Variants in RTEL1 observed in about 807,000 individuals in gnomAD.
RTEL1 encodes regulator of telomere elongation helicase 1.
Under a neutral mutation model 162.2 loss-of-function variants are expected in RTEL1, and 86 were observed. That is an observed-to-expected ratio of 0.53 (90% CI 0.45 to 0.63). RTEL1 has a LOEUF of 0.63. Ranked by LOEUF, RTEL1 falls within the 30% of genes least tolerant of loss-of-function variation. The pLI is 0.00. For missense variants in RTEL1, 1,941 were observed against 1,750.2 expected, an observed-to-expected ratio of 1.11 and a Z score of -1.95; for synonymous variants, 958 against 717.9, an observed-to-expected ratio of 1.33 and a Z score of -5.35.
intron 16 of RTEL1, chr20:63,686,094 A>G: frequency 1.7e-6 from 1 of 590,144 alleles, no homozygotes; most frequent in Non-Finnish European, 3.0e-6. Flanking sequence ...TGACCTGCCC[A>G]GAGTCACCTG....
intron 30 of RTEL1, among the ~76,000 whole-genome samples, chr20:63,693,744 A>T (rs1449546785): frequency 5.9e-4 from 41 of 69,052 alleles, no homozygotes; most frequent in South Asian, 1.1e-3. Context: ...CACCTCCACC[A>T]CCACCACCAC....
rs191079905 is a variant in RTEL1 at position 63,668,451 on chromosome 20, C to T, written c.699+898C>T. On this transcript the variant is annotated intron_variant, in intron 8 of 34. Coordinates refer to ENST00000360203, the MANE Select transcript of RTEL1 (RefSeq NM_001283009.2). The surrounding 1 kb of genome is among the most constrained non-coding windows in gnomAD (Gnocchi z 4.3). ...CAGGTGGACAGCAAAAGAGTAAGCA[C>T]GTGAGCTGATGATACTGAAGGGAAA... 6.2e-4 allele frequency among the ~76,000 whole-genome samples: 95 copies of T among 152,190 alleles called. No individual in the cohort carries two copies. Among genetic ancestry groups the T allele is most frequent in the Admixed American group, 1.4e-3 (21 of 15,296 alleles).
chr20:63,680,273 T>G (rs1225245749), intron 13 of RTEL1, among the ~76,000 whole-genome samples: 1 of 152,186 alleles, frequency 6.6e-6, no homozygotes, highest in Non-Finnish European at 1.5e-5. Context: ...CTCAGAGTTG[T>G]GGGGTCCAGA....
rs996787044 is a variant in RTEL1, at chr20:63,684,096, C to T, written c.1192-1427C>T. 3.3e-5 allele frequency among the ~76,000 whole-genome samples: 5 copies of T among 152,110 alleles called. 1 individual carries two copies. The highest frequency in any genetic ancestry group is 2.1e-4 in the South Asian group (1 of 4,826). Reference sequence around the variant, plus strand: ...GTGCCTCCCGACCAAGATGCTAAACCGGGTCTTGTGTATTCTCCAAACTGC... The same window carrying T: ...GTGCCTCCCGACCAAGATGCTAAACTGGGTCTTGTGTATTCTCCAAACTGC... On this transcript the variant is annotated intron_variant, in intron 14 of 34. Transcript: ENST00000360203.
intron 30 of RTEL1, among the ~76,000 whole-genome samples, chr20:63,693,911 A>T (rs1201807867): frequency 2.0e-5 from 3 of 150,456 alleles, no homozygotes; most frequent in Non-Finnish European, 4.4e-5. Context: ...GGTCAACTGC[A>T]CACGCCAGGG....
intron 16 of RTEL1, chr20:63,686,172 C>T (rs1328083888): frequency 1.7e-5 from 8 of 483,578 alleles, no homozygotes; most frequent in Non-Finnish European, 2.7e-5. Context: ...ATGCCGAGGC[C>T]GTCAGCACAG....
intron 14 of RTEL1, among the ~76,000 whole-genome samples, chr20:63,684,357 TTTTG>T (rs1226626159): frequency 1.3e-5 from 2 of 152,092 alleles, no homozygotes; most frequent in Non-Finnish European, 2.9e-5. Context: ...ACCAATTTCT[TTTTG>T]TTTGTTTTTG....
chr20:63,695,396 G>A lies in RTEL1; in HGVS notation c.3568G>A (p.Ala1190Thr), dbSNP rs953390484. 2 of 1,558,058 alleles carry A rather than the reference G, an allele frequency of 1.3e-6. No individual in the cohort carries two copies. Among genetic ancestry groups the A allele is most frequent in the East Asian group, 2.3e-5 (1 of 44,434 alleles). ...CTCGTCCTTCCTTAGACAGAGGCCAGCAGGGACTGTGGGGGCGGGCGGTGA... is the reference window on the plus strand; with the variant it reads ...CTCGTCCTTCCTTAGACAGAGGCCAACAGGGACTGTGGGGGCGGGCGGTGA... ...KISSFLRQRPAGTVGAGGEDA... is the reference protein window; with the variant it reads ...KISSFLRQRPTGTVGAGGEDA... Residue 1190 changes from alanine (A) to threonine (T), a missense_variant, in exon 34 of 35, where the codon GCA becomes ACA. Coordinates refer to ENST00000360203, the MANE Select transcript of RTEL1 (RefSeq NM_001283009.2).
chr20:63,693,294 C>T lies in RTEL1; in HGVS notation c.2992+11C>T, dbSNP rs200228490. 819 of 1,611,012 alleles carry T rather than the reference C, an allele frequency of 5.1e-4. No homozygotes were observed. Among genetic ancestry groups the T allele is most frequent in the Non-Finnish European group, 6.5e-4 (769 of 1,179,186 alleles). ...TCCTGGACCCCACTGGTAAATGGGG[C>T]CCCAGGTGGGACCCTCAGACTCCTG... On this transcript the variant is annotated intron_variant, in intron 30 of 34. Coordinates refer to ENST00000360203, the MANE Select transcript of RTEL1 (RefSeq NM_001283009.2).
At chr20:63,675,374 G>A (rs2090328957) in intron 10 of RTEL1, among the ~76,000 whole-genome samples, 1 of 152,202 alleles carries the variant, frequency 6.6e-6, no homozygotes, top group Non-Finnish European at 1.5e-5. Flanking sequence ...ACACCACGGG[G>A]ACCCTGGACC....
intron 28 of RTEL1, 134 bp from the exon 29 acceptor site, chr20:63,692,671 A>C (rs1330538101): frequency 5.9e-6 from 5 of 841,496 alleles, no homozygotes; most frequent in Non-Finnish European, 9.3e-6. Flanking sequence ...CCAGCCAGCC[A>C]GTTTCTCAGG....
At chr20:63,680,887 C>T (rs764289547) in intron 14 of RTEL1, 168 bp downstream of exon 14, 155 of 982,124 alleles carry the variant, frequency 1.6e-4, no homozygotes, top group Non-Finnish European at 1.9e-4. Context: ...CCTAAACCCA[C>T]ACTGGGCCTC....
intron 6 of RTEL1, chr20:63,665,263 G>A (rs535874285): frequency 3.3e-5 from 5 of 152,584 alleles, no homozygotes; most frequent in East Asian, 1.9e-4. Flanking sequence ...ATTGCCCCAC[G>A]TGGCTGCCCT....
intron 2 of RTEL1, chr20:63,660,627 C>G (rs986960440): frequency 2.6e-5 from 4 of 152,792 alleles, no homozygotes; most frequent in African/African-American, 9.7e-5. Flanking sequence ...GTTATGTCTT[C>G]CCTTTCTACA....
chr20:63,680,079 T>A (rs997439004), intron 13 of RTEL1, 133 bp downstream of exon 13: 2 of 643,012 alleles, frequency 3.1e-6, no homozygotes, highest in Non-Finnish European at 5.4e-6. Context: ...GAACCTCATC[T>A]TCTGATCGGG....
At position 63,690,172 on chromosome 20, in the gene RTEL1, C is replaced by T. The variant is rs2145430878; in HGVS notation, c.2227C>T (p.Arg743Ter). The T allele has an allele frequency of 8.1e-6, 13 of 1,612,532 alleles. No individual in the cohort carries two copies. The highest frequency in any genetic ancestry group is 1.0e-5 in the Non-Finnish European group (12 of 1,179,816). The change falls in exon 25 of 35, where the codon CGA becomes TGA. Residue 743 changes from arginine (R) to a stop codon, truncating the protein, a stop_gained. Coordinates refer to ENST00000360203, the MANE Select transcript of RTEL1 (RefSeq NM_001283009.2). LOFTEE classifies it high-confidence loss of function. ...GTATGACAACTTTGGCCATGTCATC[C>T]GAGACGTGGCCCAGTTCTTCCGTGT... ...RVYDNFGHVI[R>*]DVAQFFRVAE...
intron 8 of RTEL1, among the ~76,000 whole-genome samples, chr20:63,671,653 T>A (rs1323766655): frequency 6.6e-6 from 1 of 151,240 alleles, no homozygotes; most frequent in Non-Finnish European, 1.5e-5. Context: ...GGCTAATTTT[T>A]TTTTTTTTTT....
chr20:63,684,335 G>A (rs1399149653), intron 14 of RTEL1, among the ~76,000 whole-genome samples: 1 of 152,110 alleles, frequency 6.6e-6, no homozygotes, highest in Admixed American at 6.6e-5. Context: ...GTAAGTCCTG[G>A]TGTTGGCCTG....
chr20:63,688,692 T>C, intron 21 of RTEL1, 87 bp downstream of exon 21: 1 of 1,284,120 alleles, frequency 7.8e-7, no homozygotes. Flanking sequence ...CCACTGGCCC[T>C]GACCATGGGC....
Sources: allele counts gnomAD v4.1 joint callset (sites outside exome capture counted in the v4.1 genomes callset), GRCh38; gene constraint gnomAD v4.1.1; non-coding constraint Gnocchi (gnomAD v3.1); transcripts MANE v1.5; gene names NCBI Gene and HGNC (gene_info 2026-07-23, HGNC 2026-07-21).